The following ATRNL1 variants were observed in gnomAD, a reference collection of about 807,000 sequenced individuals.
The protein encoded by ATRNL1 is attractin like 1, also known as attractin-like protein 1.
A neutral mutation model predicts 182.7 loss-of-function variants in ATRNL1; 95 were observed. The observed-to-expected ratio is 0.52, with a 90% CI of 0.44 to 0.62. ATRNL1 has a LOEUF of 0.62. ATRNL1 is among the 20% of genes least tolerant of loss of function. The pLI is 0.00. For missense variants in ATRNL1, 1,471 were observed against 1,679.5 expected (o/e 0.88, Z 2.17); for synonymous variants, 576 against 568.3 (o/e 1.01, Z -0.19).
chr10:115,919,675 G>A (rs1253757164), intron 28 of ATRNL1, among the ~76,000 whole-genome samples: 1 of 151,930 alleles, frequency 6.6e-6, no homozygotes, highest in African/African-American at 2.4e-5. Context: ...TATAGTCTTA[G>A]TCCATGGGCT....
intron 27 of ATRNL1, among the ~76,000 whole-genome samples, chr10:115,750,100 A>G (rs2134117171): frequency 6.6e-6 from 1 of 152,004 alleles, no homozygotes. Flanking sequence ...GCACTGCTAG[A>G]CACTAGGGAA....
chr10:115,624,557 A>G (rs151179761), intron 26 of ATRNL1, among the ~76,000 whole-genome samples: 1 of 152,268 alleles, frequency 6.6e-6, no homozygotes, highest in African/African-American at 2.4e-5. Context: ...AGCTGCCTGG[A>G]GCCAATTTGT....
At position 115,322,422 on chromosome 10, in the gene ATRNL1, AC is replaced by A. The variant is rs1281042958; in HGVS notation, c.3037+6688del. On this transcript the variant is annotated intron_variant, in intron 18 of 28. Coordinates refer to ENST00000355044, the MANE Select transcript of ATRNL1 (RefSeq NM_207303.4). ...AGCCCAATACAGGTTTTCTTGACTC[AC>A]CTATTTTGTGCTTTTATTGGCAAAC... Among the ~76,000 whole-genome samples the A allele has an allele frequency of 6.6e-5, 10 of 151,950 alleles. 1 individual carries two copies. The East Asian group carries it at 1.5e-3, about 23-fold the overall frequency.
At chr10:115,306,598 A>G (rs1464266005) in intron 17 of ATRNL1, among the ~76,000 whole-genome samples, 2 of 152,004 alleles carry the variant, frequency 1.3e-5, no homozygotes, top group African/African-American at 4.8e-5. Flanking sequence ...AAATCTGAAG[A>G]GTAGTTTGTT....
At chr10:115,099,849 A>G (rs1326635517) in intron 1 of ATRNL1, among the ~76,000 whole-genome samples, 4 of 152,232 alleles carry the variant, frequency 2.6e-5, no homozygotes, top group African/African-American at 4.8e-5. Context: ...TCATTTGCAT[A>G]TATTTTCTAC....
intron 28 of ATRNL1, among the ~76,000 whole-genome samples, chr10:115,858,654 T>C (rs1331264826): frequency 6.6e-6 from 1 of 152,158 alleles, no homozygotes; most frequent in African/African-American, 2.4e-5. Context: ...CGTTTACCTA[T>C]GTAACAAACC....
At chr10:115,726,452 C>G (rs537137665) in intron 26 of ATRNL1, among the ~76,000 whole-genome samples, 163 of 152,194 alleles carry the variant, frequency 1.1e-3, no homozygotes, top group Non-Finnish European at 1.9e-3. Flanking sequence ...ATATCTAGTG[C>G]TGGTCATCAA....
chr10:115,615,292 C>A (rs61881092), intron 26 of ATRNL1, among the ~76,000 whole-genome samples: 25,306 of 151,942 alleles, frequency 0.17, 2,641 homozygotes, highest in South Asian at 0.24. Context: ...TAGGGCTGAC[C>A]AGTAGTGATG....
intron 19 of ATRNL1, among the ~76,000 whole-genome samples, chr10:115,360,647 T>G (rs1305386127): frequency 6.6e-6 from 1 of 151,622 alleles, no homozygotes; most frequent in East Asian, 1.9e-4. Context: ...TGAGGCCTTC[T>G]TAGTCTTTTT....
intron 9 of ATRNL1, among the ~76,000 whole-genome samples, chr10:115,219,396 T>C (rs1299157888): frequency 6.6e-6 from 1 of 152,170 alleles, no homozygotes; most frequent in Non-Finnish European, 1.5e-5. Context: ...ATTTTTCGCC[T>C]AGCCAGCATT....
rs138331126 is a variant in ATRNL1, at chr10:115,572,256, G to C, written c.3795+22720G>C. 3.5e-3 allele frequency among the ~76,000 whole-genome samples: 537 copies of C among 152,266 alleles called. 1 individual carries two copies. Among genetic ancestry groups the C allele is most frequent in the Non-Finnish European group, 5.7e-3 (390 of 68,018 alleles). On this transcript the variant is annotated intron_variant, in intron 26 of 28. Transcript: ENST00000355044. ...AGCTCTGGCTACAGTATGGAGAATG[G>C]ATTATAGGGGAACAAGGGAAGAGGT...
At chr10:115,471,439 T>C (rs1554972111) in intron 24 of ATRNL1, among the ~76,000 whole-genome samples, 1 of 150,988 alleles carries the variant, frequency 6.6e-6, no homozygotes. Context: ...ACATGATGGC[T>C]ATACCAGTTT....
intron 26 of ATRNL1, among the ~76,000 whole-genome samples, chr10:115,701,986 C>A (rs1946751007): frequency 6.6e-6 from 1 of 151,404 alleles, no homozygotes; most frequent in South Asian, 2.1e-4. Flanking sequence ...CTGGAAAAGA[C>A]ACAACAAAAA....
chr10:115,383,116 C>CTT lies in ATRNL1; in HGVS notation c.3176-11533_3176-11532dup, dbSNP rs71473088. On this transcript the variant is annotated intron_variant, in intron 19 of 28. Transcript: ENST00000355044. ...TATTCGGTTATTTTTGTTTGTTTTT[C>CTT]TTTTTTTTTTTCTCTCTCTACTGGT... Among the ~76,000 whole-genome samples, 893 of 144,400 alleles carry CTT rather than the reference C, an allele frequency of 6.2e-3. 8 individuals carry two copies. The highest frequency in any genetic ancestry group is 0.029 in the Middle Eastern group (8 of 278). The allele number at this position is 144,400 out of a possible 152,430, so 94.7% of individuals were successfully genotyped here.
At chr10:115,404,558 G>C (rs1844728628) in intron 20 of ATRNL1, among the ~76,000 whole-genome samples, 1 of 152,222 alleles carries the variant, frequency 6.6e-6, no homozygotes, top group East Asian at 1.9e-4. Context: ...CTTCAAGCTG[G>C]AATCAAACTT....
chr10:115,812,614 T>G (rs1368819909), intron 27 of ATRNL1, among the ~76,000 whole-genome samples: 1 of 152,034 alleles, frequency 6.6e-6, no homozygotes, highest in African/African-American at 2.4e-5. Context: ...GCAGCTGGGA[T>G]TACAGGTGCA....
chr10:115,162,474 A>G (rs916149318), intron 6 of ATRNL1, among the ~76,000 whole-genome samples: 1 of 151,922 alleles, frequency 6.6e-6, no homozygotes, highest in Non-Finnish European at 1.5e-5. Context: ...CATGGAATAT[A>G]TGAGAGGGAT....
rs185506084 is a variant in ATRNL1 at position 115,823,021 on chromosome 10, G to A, written c.3904-24856G>A. 3.1e-3 allele frequency among the ~76,000 whole-genome samples: 470 copies of A among 152,112 alleles called. 1 individual carries two copies. The highest frequency in any genetic ancestry group is 0.011 in the African/African-American group (446 of 41,530). On this transcript the variant is annotated intron_variant, in intron 27 of 28. Coordinates refer to ENST00000355044, the MANE Select transcript of ATRNL1 (RefSeq NM_207303.4). ...TAATATCCCTGATGAACATCAATGC[G>A]AAAATCCTCCATAAAATACTGGCAA...
intron 27 of ATRNL1, among the ~76,000 whole-genome samples, chr10:115,797,987 C>T (rs868967642): frequency 2.6e-5 from 4 of 152,030 alleles, no homozygotes; most frequent in South Asian, 2.1e-4. Context: ...GCACGATCTC[C>T]GCTCACTGCA....
Sources: gnomAD v4.1 joint callset for allele counts (sites outside exome capture counted in the v4.1 genomes callset) on GRCh38, gnomAD v4.1.1 for gene constraint, MANE v1.5 for transcripts, NCBI Gene and HGNC (gene_info 2026-07-23, HGNC 2026-07-21) for gene names.